Variants in GCC1 observed in about 807,000 individuals in gnomAD.
The protein encoded by GCC1 is GRIP and coiled-coil domain-containing protein 1.
Under a neutral mutation model 62.5 loss-of-function variants are expected in GCC1, and 36 were observed. The observed-to-expected ratio is 0.58, with a 90% confidence interval of 0.44 to 0.76. The LOEUF is 0.76. Ranked by LOEUF, GCC1 falls within the 30% of genes least tolerant of loss-of-function variation. The pLI, the probability that GCC1 is intolerant of heterozygous loss-of-function variation, is 0.00. For missense variants in GCC1, 885 were observed against 948.3 expected (o/e 0.93, Z 0.88); for synonymous variants, 391 against 386.8 (o/e 1.01, Z -0.13).
rs1286408194 is a variant in GCC1, at chr7:127,582,228, T to A, written c.2114A>T (p.His705Leu). Residue 705 changes from histidine to leucine, a missense_variant, in exon 2 of 2, where the codon CAC becomes CTC. Transcript: ENST00000321407. The surrounding 1 kb of genome is among the most constrained non-coding windows in gnomAD (Gnocchi z 4.8). ...HREEVAALQS[H>L]IEKNIRDQSR... ...CTGGTCCCTGATGTTCTTTTCGATG[T>A]GGCTCTGCAGGGCTGCAACCTCCTC... The A allele has an allele frequency of 4.3e-6, 7 of 1,614,234 alleles. No homozygotes were observed. Among genetic ancestry groups the A allele is most frequent in the Non-Finnish European group, 5.1e-6 (6 of 1,180,038 alleles).
Position 127,582,455 on chromosome 7 carries a change from G to A in GCC1, c.1887C>T (p.Asp629=). ...RSPVGGGGPG[D]PADTSSSDSL... is the part of the protein sequence containing the mutation. Reference sequence around the variant, plus strand: ...TATCAGAGGATGATGTGTCAGCTGGGTCCCCAGGACCGCCACCACCCACAG... The same window carrying A: ...TATCAGAGGATGATGTGTCAGCTGGATCCCCAGGACCGCCACCACCCACAG... The change falls in exon 2 of 2, where the codon GAC becomes GAT. Residue 629 remains aspartate, a synonymous_variant. Coordinates refer to ENST00000321407, the MANE Select transcript of GCC1 (RefSeq NM_024523.6). This position sits in a 1 kb window ranked among gnomAD's most constrained non-coding sequence, Gnocchi z 4.8. The A allele has an allele frequency of 6.2e-7, 1 of 1,614,068 alleles. No homozygotes were observed. Among genetic ancestry groups the A allele is most frequent in the African/African-American group, 1.3e-5 (1 of 75,014 alleles).
Position 127,582,124 on chromosome 7 carries a change from G to A in GCC1, c.2218C>T (p.Gln740Ter). ...GTCAGTATGGCTGTGAGAGTCTGCT[G>A]GCGGCCCAGGGAGTCAGGTAAGGTC... ...FLTLPDSLGR[Q>*]QTLTAILTIL... Residue 740 changes from glutamine (Q) to a stop codon, truncating the protein, a stop_gained, in exon 2 of 2, where the codon CAG (glutamine) becomes TAG (stop). Coordinates refer to ENST00000321407, the MANE Select transcript of GCC1 (RefSeq NM_024523.6). LOFTEE classifies it high-confidence loss of function. The surrounding 1 kb of genome is among the most constrained non-coding windows in gnomAD (Gnocchi z 4.8). 2.5e-6 allele frequency: 4 copies of A among 1,614,178 alleles called. No homozygotes were observed. Among genetic ancestry groups the A allele is most frequent in the Non-Finnish European group, 3.4e-6 (4 of 1,180,028 alleles).
rs140406043 is a variant in GCC1 at position 127,582,535 on chromosome 7, G to C, written c.1807C>G (p.Leu603Val). The change falls in exon 2 of 2, where the codon CTG becomes GTG. Residue 603 changes from leucine (L) to valine (V), a missense_variant. Coordinates refer to ENST00000321407, the MANE Select transcript of GCC1 (RefSeq NM_024523.6). This position sits in a 1 kb window ranked among gnomAD's most constrained non-coding sequence, Gnocchi z 4.8. ...LAVLTEKDLE[L>V]EQLRSVALAS... ...AAGGCCACAGAACGCAGTTGCTCCA[G>C]TTCCAAGTCCTTCTCGGTGAGCACA... is the stretch of plus-strand genomic sequence containing the variant. 315 of 1,611,996 alleles carry C rather than the reference G, an allele frequency of 2.0e-4. 1 individual carries two copies. Among genetic ancestry groups the C allele is most frequent in the Non-Finnish European group, 2.5e-4 (300 of 1,180,044 alleles).
In GCC1 at chr7:127,582,081, G is replaced by T; in HGVS notation, c.2261C>A (p.Pro754Gln). Residue 754 changes from proline (P) to glutamine (Q), a missense_variant, in exon 2 of 2, where the codon CCA becomes CAA. Coordinates refer to ENST00000321407, the MANE Select transcript of GCC1 (RefSeq NM_024523.6). The surrounding 1 kb of genome is among the most constrained non-coding windows in gnomAD (Gnocchi z 4.8). ...TCGCATTATCACTTGTTTCTCCTCT[G>T]GACTGAAGTGCAAGATAGTCAGTAT... The part of the protein sequence containing the change: ...TAILTILHFS[P>Q]EEKQVIMRLP... 6.2e-7 allele frequency: 1 copy of T among 1,614,144 alleles called. No homozygotes were observed. The highest frequency in any genetic ancestry group is 8.5e-7 in the Non-Finnish European group (1 of 1,179,998).
chr7:127,583,273 G>A lies in GCC1; in HGVS notation c.1069C>T (p.Gln357Ter). The A allele has an allele frequency of 6.2e-7, 1 of 1,608,060 alleles. No individual in the cohort carries two copies. The highest frequency in any genetic ancestry group is 8.5e-7 in the Non-Finnish European group (1 of 1,176,048). Reference sequence around the variant, plus strand: ...GCTGCCACCCTCTGTTCTTCTACCTGAGATTGCTGACGGAGTTGATCCTCT... The same window carrying A: ...GCTGCCACCCTCTGTTCTTCTACCTAAGATTGCTGACGGAGTTGATCCTCT... ...LAEDQLRQQS[Q>*]VEEQRVAALE... Residue 357 changes from glutamine (Q) to a stop codon, truncating the protein, a stop_gained, in exon 2 of 2, where the codon CAG becomes TAG. Coordinates refer to ENST00000321407, the MANE Select transcript of GCC1 (RefSeq NM_024523.6). LOFTEE classifies it high-confidence loss of function.
Position 127,584,166 on chromosome 7 carries a change from C to T in GCC1, c.1017G>A (p.Gln339=). 6.2e-7 allele frequency: 1 copy of T among 1,613,690 alleles called. No individual in the cohort carries two copies. Among genetic ancestry groups the T allele is most frequent in the Non-Finnish European group, 8.5e-7 (1 of 1,179,740 alleles). The change falls in exon 1 of 2, where the codon CAG becomes CAA. Residue 339 remains glutamine (Q), a synonymous_variant. Coordinates refer to ENST00000321407, the MANE Select transcript of GCC1 (RefSeq NM_024523.6). The part of the protein sequence containing the change: ...RLKSHFQAQL[Q]QEMRKTALAE... ...GGATAATTACCTTTCTCATTTCCTG[C>T]TGTAACTGAGCCTGGAAATGGCTCT...
chr7:127,582,164 G>A lies in GCC1; in HGVS notation c.2178C>T (p.Ile726=), dbSNP rs371762826. Residue 726 remains isoleucine (I), a synonymous_variant, in exon 2 of 2, where the codon ATC becomes ATT. Coordinates refer to ENST00000321407, the MANE Select transcript of GCC1 (RefSeq NM_024523.6). The surrounding 1 kb of genome is among the most constrained non-coding windows in gnomAD (Gnocchi z 4.8). ...EGANLEYLKN[I]IYRFLTLPDS... ...CAGGTAAGGTCAGGAAGCGGTAGAT[G>A]ATGTTTTTGAGGTACTCCAGATTGG... The A allele has an allele frequency of 3.7e-6, 6 of 1,614,072 alleles. No homozygotes were observed. In the South Asian group the frequency reaches 4.4e-5, roughly 12 times the overall value.
In GCC1 at chr7:127,581,123, CCA is replaced by C. The variant is rs1160193702; in HGVS notation, c.*889_*890del. 2.0e-5 allele frequency: 3 copies of C among 152,172 alleles called. No homozygotes were observed. Among genetic ancestry groups the C allele is most frequent in the African/African-American group, 4.8e-5 (2 of 41,438 alleles). The allele number at this position is 152,172 out of a possible 1,614,324, so 9.4% of individuals were successfully genotyped here. ...CCTACAAAGGCAGAAAAGCTAGGGG[CCA>C]ATCTCTGAGCTAATTCCTTGAATCC... On this transcript the variant is annotated 3_prime_UTR_variant, in exon 2 of 2. Coordinates refer to ENST00000321407, the MANE Select transcript of GCC1 (RefSeq NM_024523.6).
rs1449597356 is a variant in GCC1, at chr7:127,582,909, G to A, written c.1433C>T (p.Ala478Val). Reference protein sequence around the residue: ...SEAADGEKATALYYQQELKQL... With the variant: ...SEAADGEKATVLYYQQELKQL... ...TTTCAGCTCCTGTTGGTAATAGAGTGCAGTAGCCTTCTCCCCATCAGCAGC... is the reference window on the plus strand; with the variant it reads ...TTTCAGCTCCTGTTGGTAATAGAGTACAGTAGCCTTCTCCCCATCAGCAGC... The change falls in exon 2 of 2, where the codon GCA (alanine) becomes GTA (valine). Residue 478 changes from alanine (A) to valine (V), a missense_variant. Transcript: ENST00000321407. The surrounding 1 kb of genome is among the most constrained non-coding windows in gnomAD (Gnocchi z 4.8). 1.2e-6 allele frequency: 2 copies of A among 1,614,044 alleles called. No homozygotes were observed. The highest frequency in any genetic ancestry group is 1.7e-5 in the Admixed American group (1 of 59,996).
In GCC1 at chr7:127,585,367, G is replaced by C. The variant is rs1385924485; in HGVS notation, c.-185C>G. 3.2e-6 allele frequency: 2 copies of C among 618,418 alleles called. No homozygotes were observed. Among genetic ancestry groups the C allele is most frequent in the Admixed American group, 3.2e-5 (1 of 30,922 alleles). 38.3% of individuals were successfully genotyped at this position (618,418 alleles called of 1,614,324 possible). On this transcript the variant is annotated 5_prime_UTR_variant, in exon 1 of 2. Coordinates refer to ENST00000321407, the MANE Select transcript of GCC1 (RefSeq NM_024523.6). Reference sequence around the variant, plus strand: ...GACGGACTGGCGAAAGCGGCCGCCCGGTCCCAGGCCCGGAGGGCTGGGGCG... The same window carrying C: ...GACGGACTGGCGAAAGCGGCCGCCCCGTCCCAGGCCCGGAGGGCTGGGGCG...
rs368776021 is a variant in GCC1, at chr7:127,581,984, C to G, written c.*30G>C. On this transcript the variant is annotated 3_prime_UTR_variant, in exon 2 of 2. Coordinates refer to ENST00000321407, the MANE Select transcript of GCC1 (RefSeq NM_024523.6). ...TGCCCTTTCCCACATAAAAGAGGCA[C>G]AGAAATTCCAGGAATTCATGAAAAT... The G allele has an allele frequency of 6.4e-6, 10 of 1,561,084 alleles. No individual in the cohort carries two copies. The highest frequency in any genetic ancestry group is 7.9e-6 in the Non-Finnish European group (9 of 1,139,492).
rs988560778 is a variant in GCC1, at chr7:127,585,560, C to T, written c.-378G>A. 1.0e-5 allele frequency: 2 copies of T among 196,916 alleles called. No individual in the cohort carries two copies. The highest frequency in any genetic ancestry group is 4.7e-5 in the African/African-American group (2 of 42,930). The allele number at this position is 196,916 out of a possible 1,614,324, so 12.2% of individuals were successfully genotyped here. On this transcript the variant is annotated 5_prime_UTR_variant, in exon 1 of 2. It removes an upstream start codon present in the reference 5' UTR. Transcript: ENST00000321407. ...CAGAGGGTTACGCTGAGCTCGGTCCCATCACGACATCCTAACTAAAGCTGC... is the reference window on the plus strand; with the variant it reads ...CAGAGGGTTACGCTGAGCTCGGTCCTATCACGACATCCTAACTAAAGCTGC...
Position 127,585,085 on chromosome 7 carries a change from G to A in GCC1, c.98C>T (p.Ala33Val), listed in dbSNP as rs1794185261. 2.5e-6 allele frequency: 4 copies of A among 1,614,034 alleles called. No individual in the cohort carries two copies. Among genetic ancestry groups the A allele is most frequent in the East Asian group, 2.2e-5 (1 of 44,890 alleles). Residue 33 changes from alanine (A) to valine (V), a missense_variant, in exon 1 of 2, where the codon GCA becomes GTA. By Grantham distance (64) the Ala-to-Val change is moderately conservative (BLOSUM62 0). Coordinates refer to ENST00000321407, the MANE Select transcript of GCC1 (RefSeq NM_024523.6). ...TQKKQLLQYQ[A>V]RLKDVVRAYK... is the part of the protein sequence containing the mutation. ...GGCACGGACCACATCCTTGAGCCGT[G>A]CCTGGTACTGGAGAAGCTGCTTCTT...
chr7:127,583,085 G>A lies in GCC1; in HGVS notation c.1257C>T (p.Asp419=), dbSNP rs374662823. ...CCAGACTGGACTCCTCTCCATGGCT[G>A]TCTAAAGGGGACCTGCTGGAGGCTG... ...ALAASSRSPL[D]SHGEESSLDV... The change falls in exon 2 of 2, where the codon GAC becomes GAT. Residue 419 remains aspartate, a synonymous_variant. Coordinates refer to ENST00000321407, the MANE Select transcript of GCC1 (RefSeq NM_024523.6). 6.2e-6 allele frequency: 10 copies of A among 1,613,966 alleles called. No individual in the cohort carries two copies. The highest frequency in any genetic ancestry group is 1.6e-4 in the Middle Eastern group (1 of 6,084).
Position 127,585,504 on chromosome 7 carries a change from G to A in GCC1, c.-322C>T. On this transcript the variant is annotated 5_prime_UTR_variant, in exon 1 of 2. Coordinates refer to ENST00000321407, the MANE Select transcript of GCC1 (RefSeq NM_024523.6). ...CTCTCCGCTCGTCTGGGCCACAGCA[G>A]CCCGGGCCGGCCCCCTCGGCCCACG... is the stretch of plus-strand genomic sequence containing the variant. The A allele has an allele frequency of 3.3e-6, 1 of 303,246 alleles. No individual in the cohort carries two copies. Among genetic ancestry groups the A allele is most frequent in the South Asian group, 6.7e-5 (1 of 15,034 alleles). The allele number at this position is 303,246 out of a possible 1,614,324, so 18.8% of individuals were successfully genotyped here.
intron 1 of GCC1, 71 bp downstream of exon 1, chr7:127,584,080 G>C (rs974884187): frequency 7.3e-7 from 1 of 1,373,986 alleles, no homozygotes; most frequent in Non-Finnish European, 1.0e-6. Context: ...AACTAGCAAA[G>C]GAGGAAAAAA....
At position 127,585,017 on chromosome 7, in the gene GCC1, T is replaced by TGCTG. The variant is rs752603718; in HGVS notation, c.162_165dup (p.Ile56GlnfsTer27). ...TCGTGGGATACCGACAGCACCTTGA[T>TGCTG]GCTGGCCTCTAATGCCTCTTTCTCC... On this transcript the variant is annotated frameshift_variant, in exon 1 of 2. Transcript: ENST00000321407. 3 of 1,614,128 alleles carry TGCTG rather than the reference T, an allele frequency of 1.9e-6. No homozygotes were observed. The highest frequency in any genetic ancestry group is 2.5e-6 in the Non-Finnish European group (3 of 1,180,050).
intron 1 of GCC1, among the ~76,000 whole-genome samples, chr7:127,583,709 A>G (rs1399282244): frequency 1.3e-5 from 2 of 152,212 alleles, no homozygotes; most frequent in African/African-American, 4.8e-5. Flanking sequence ...CACCCTTTCA[A>G]TACCTGTTCT....
chr7:127,585,401 C>T lies in GCC1; in HGVS notation c.-219G>A, dbSNP rs1794190948. The T allele has an allele frequency of 1.8e-6, 1 of 563,764 alleles. No individual in the cohort carries two copies. The highest frequency in any genetic ancestry group is 1.9e-5 in the African/African-American group (1 of 52,892). The allele number at this position is 563,764 out of a possible 1,614,324, so 34.9% of individuals were successfully genotyped here. ...CCCGGAGGGCTGGGGCGGATTCTAC[C>T]CCGGAGGCGGGGCGACACTGGCACC... is the stretch of plus-strand genomic sequence containing the variant. On this transcript the variant is annotated 5_prime_UTR_variant, in exon 1 of 2. Coordinates refer to ENST00000321407, the MANE Select transcript of GCC1 (RefSeq NM_024523.6).
Sources: gnomAD v4.1 joint callset for allele counts (sites outside exome capture counted in the v4.1 genomes callset) on GRCh38, gnomAD v4.1.1 for gene constraint, Gnocchi (gnomAD v3.1) non-coding constraint, MANE v1.5 for transcripts, NCBI Gene and HGNC (gene_info 2026-07-23, HGNC 2026-07-21) for gene names.